COL27A1: variants seen among roughly 807,000 people sequenced by gnomAD.
COL27A1 encodes the protein collagen alpha-1(XXVII) chain.
Under a neutral mutation model 251.3 loss-of-function variants are expected in COL27A1, and 106 were observed. The observed-to-expected ratio is 0.42, with a 90% CI of 0.36 to 0.50. The LOEUF is 0.50. Ranked by LOEUF, COL27A1 falls within the 20% of genes least tolerant of loss-of-function variation. The pLI, the probability that COL27A1 is intolerant of heterozygous loss-of-function variation, is 0.00. For synonymous variants in COL27A1, 1,000 were observed against 986.3 expected (o/e 1.01, Z -0.26); for missense variants, 2,325 against 2,522.8 (o/e 0.92, Z 1.68).
At chr9:114,304,552 T>C in intron 56 of COL27A1, 56 bp from the exon 57 acceptor site, 1 of 1,542,950 alleles carries the variant, frequency 6.5e-7, no homozygotes, top group Non-Finnish European at 9.0e-7. Flanking sequence ...TCCCACTTGA[T>C]GGGTGTGGAG....
intron 5 of COL27A1, among the ~76,000 whole-genome samples, chr9:114,187,362 G>A (rs997005234): frequency 1.3e-5 from 2 of 152,214 alleles, no homozygotes; most frequent in African/African-American, 4.8e-5. Context: ...TGAGCTATCT[G>A]TAGTGGTCCT....
intron 34 of COL27A1, among the ~76,000 whole-genome samples, chr9:114,268,443 T>C (rs981268562): frequency 6.6e-6 from 1 of 152,202 alleles, no homozygotes; most frequent in Non-Finnish European, 1.5e-5. Context: ...TTAGGGCCTT[T>C]ATGCAGGGGG....
At chr9:114,209,817 A>T in intron 11 of COL27A1, 89 bp downstream of exon 11, 1 of 1,299,348 alleles carries the variant, frequency 7.7e-7, no homozygotes, top group Non-Finnish European at 1.1e-6. Context: ...GGGGAAGTCA[A>T]GGAATTCCTC....
At chr9:114,259,595 A>AG (rs1452765906) in intron 28 of COL27A1, among the ~76,000 whole-genome samples, 1 of 152,202 alleles carries the variant, frequency 6.6e-6, no homozygotes, top group Non-Finnish European at 1.5e-5. Flanking sequence ...AGGCACAGAA[A>AG]GGTTGAGTCA....
At chr9:114,211,156 TG>T in intron 12 of COL27A1, 130 bp downstream of exon 12, 1 of 942,912 alleles carries the variant, frequency 1.1e-6, no homozygotes. Flanking sequence ...GGGCCGCATG[TG>T]GGGTTGTCTG....
intron 35 of COL27A1, 57 bp downstream of exon 35, chr9:114,269,351 G>A (rs1248375293): frequency 1.5e-6 from 2 of 1,309,708 alleles, no homozygotes; most frequent in South Asian, 1.3e-5. Context: ...GGTGCCGCAG[G>A]GGAAGAGACC....
chr9:114,164,754 T>A (rs1564412249), intron 2 of COL27A1, among the ~76,000 whole-genome samples: 1 of 152,242 alleles, frequency 6.6e-6, no homozygotes, highest in South Asian at 2.1e-4. Flanking sequence ...TAAGAGGGTT[T>A]CAGTGACTAA....
intron 27 of COL27A1, among the ~76,000 whole-genome samples, chr9:114,258,228 T>C (rs1167039424): frequency 6.6e-6 from 1 of 152,164 alleles, no homozygotes; most frequent in Non-Finnish European, 1.5e-5. Context: ...TCATTGTTGA[T>C]TTTGAGGAAA....
chr9:114,295,577 C>G (rs1029317844), intron 49 of COL27A1, among the ~76,000 whole-genome samples: 1 of 152,116 alleles, frequency 6.6e-6, no homozygotes, highest in Non-Finnish European at 1.5e-5. Context: ...GTGGTATTGC[C>G]GTAAATAACT....
intron 1 of COL27A1, among the ~76,000 whole-genome samples, chr9:114,157,967 C>A (rs1175522928): frequency 6.6e-6 from 1 of 152,190 alleles, no homozygotes; most frequent in African/African-American, 2.4e-5. Context: ...GTATTATTCC[C>A]TTCATGTTGA....
intron 56 of COL27A1, 47 bp from the exon 57 acceptor site, chr9:114,304,561 A>C: frequency 6.3e-7 from 1 of 1,590,478 alleles, no homozygotes; most frequent in Non-Finnish European, 8.6e-7. Context: ...ATGGGTGTGG[A>C]GAACCCTGGG....
intron 4 of COL27A1, among the ~76,000 whole-genome samples, chr9:114,178,759 A>G (rs1482070284): frequency 6.6e-6 from 1 of 152,142 alleles, no homozygotes. Flanking sequence ...TGGAGGGGCC[A>G]TGCGGGGAGG....
At chr9:114,216,131 G>A (rs1460460528) in intron 12 of COL27A1, among the ~76,000 whole-genome samples, 1 of 152,230 alleles carries the variant, frequency 6.6e-6, no homozygotes, top group African/African-American at 2.4e-5. Context: ...TTGTGGCCAA[G>A]AGAGAATGCA....
At position 114,300,115 on chromosome 9, in the gene COL27A1, G is replaced by A. The variant is rs1828515282; in HGVS notation, c.4630G>A (p.Gly1544Arg). ...MGFPGMAGLFGPKGPPGDIGF... is the reference protein window; with the variant it reads ...MGFPGMAGLFRPKGPPGDIGF... ...CTTCCCAGGAATGGCAGGTCTCTTC[G>A]GACCCAAGGTATGGACTCCCACGGC... Residue 1544 changes from glycine (G) to arginine (R), a missense_variant, in exon 50 of 61, where the codon GGA (glycine) becomes AGA (arginine). Coordinates refer to ENST00000356083, the MANE Select transcript of COL27A1 (RefSeq NM_032888.4). 21 of 1,614,098 alleles carry A rather than the reference G, an allele frequency of 1.3e-5. No individual in the cohort carries two copies. Among genetic ancestry groups the A allele is most frequent in the Non-Finnish European group, 1.8e-5 (21 of 1,179,978 alleles).
chr9:114,154,671 T>C (rs1460823272), upstream of COL27A1, among the ~76,000 whole-genome samples: 1 of 151,576 alleles, frequency 6.6e-6, no homozygotes, highest in African/African-American at 2.4e-5. The surrounding 1 kb of genome is among the most constrained non-coding windows in gnomAD (Gnocchi z 5.8). Context: ...TGAGCCCAGA[T>C]ATCTGAGGAT....
chr9:114,207,581 A>T (rs1432956985), intron 10 of COL27A1, among the ~76,000 whole-genome samples: 2 of 152,146 alleles, frequency 1.3e-5, no homozygotes, highest in Admixed American at 6.5e-5. Context: ...GCAGGAGAGG[A>T]CTGGTCTGGC....
chr9:114,154,226 G>T (rs1014414638), upstream of COL27A1, among the ~76,000 whole-genome samples: 20 of 152,128 alleles, frequency 1.3e-4, no homozygotes, highest in Admixed American at 7.9e-4. The surrounding 1 kb of genome is among the most constrained non-coding windows in gnomAD (Gnocchi z 5.8). Context: ...TCCCGGTGCC[G>T]CTGCGCTCCG....
chr9:114,227,731 C>A (rs908526529), intron 14 of COL27A1, among the ~76,000 whole-genome samples: 2 of 151,774 alleles, frequency 1.3e-5, no homozygotes, highest in Non-Finnish European at 2.9e-5. Flanking sequence ...AAGGGCACAG[C>A]GTGTGGTGCG....
chr9:114,188,490 G>T (rs1588620402), intron 5 of COL27A1, among the ~76,000 whole-genome samples: 1 of 152,104 alleles, frequency 6.6e-6, no homozygotes, highest in Non-Finnish European at 1.5e-5. Context: ...GTAAAACAAG[G>T]ATGATCATAG....
Sources: gnomAD v4.1 joint callset for allele counts (sites outside exome capture counted in the v4.1 genomes callset) on GRCh38, gnomAD v4.1.1 for gene constraint, Gnocchi (gnomAD v3.1) non-coding constraint, MANE v1.5 for transcripts, NCBI Gene and HGNC (gene_info 2026-07-23, HGNC 2026-07-21) for gene names.